Variants in TDRD15 observed in about 807,000 individuals in gnomAD.
The protein encoded by TDRD15 is tudor domain-containing protein 15.
For synonymous variants in TDRD15, 503 were observed against 314.5 expected, an observed-to-expected ratio of 1.60 and a Z score of -6.34; for missense variants, 1,416 against 904.7, an observed-to-expected ratio of 1.57 and a Z score of -7.25.
chr2:21,131,252 A>T (rs548771998), intron 2 of TDRD15, among the ~76,000 whole-genome samples: 1 of 152,272 alleles, frequency 6.6e-6, no homozygotes, highest in Non-Finnish European at 1.5e-5. Context: ...TTGTTTGGGG[A>T]TGTTAGGTAA....
Position 21,140,397 on chromosome 2 carries a change from C to T in TDRD15, c.2930C>T (p.Pro977Leu). Residue 977 changes from proline to leucine, a missense_variant, in exon 4 of 4, where the codon CCC (proline) becomes CTC (leucine). By Grantham distance (98) the Pro-to-Leu change is moderately conservative. Coordinates refer to ENST00000405799, the MANE Select transcript of TDRD15 (RefSeq NM_001306137.2). ...GTATATATATCTCACATATATAGTC[C>T]CCAAAAGTTTTATTGCCAGCTTGGC... ...EEVYISHIYSPQKFYCQLGRN... is the reference protein window; with the variant it reads ...EEVYISHIYSLQKFYCQLGRN... The T allele has an allele frequency of 1.4e-6, 1 of 693,464 alleles. No homozygotes were observed. The highest frequency in any genetic ancestry group is 2.6e-6 in the Non-Finnish European group (1 of 377,860). The allele number at this position is 693,464 out of a possible 1,614,324, so 43.0% of individuals were successfully genotyped here.
chr2:21,125,946 A>G (rs891285931), intron 1 of TDRD15, among the ~76,000 whole-genome samples: 2 of 152,094 alleles, frequency 1.3e-5, no homozygotes, highest in Non-Finnish European at 2.9e-5. Flanking sequence ...AAATATTAAA[A>G]TAAGTCCTCT....
In TDRD15 at chr2:21,140,997, A is replaced by T. The variant is rs539640670; in HGVS notation, c.3530A>T (p.Tyr1177Phe). The change falls in exon 4 of 4, where the codon TAT becomes TTT. Residue 1177 changes from tyrosine (Y) to phenylalanine (F), a missense_variant. Tyr to Phe is a conservative substitution (Grantham distance 22). Coordinates refer to ENST00000405799, the MANE Select transcript of TDRD15 (RefSeq NM_001306137.2). ...TSLKGKTGNN[Y>F]RHNVINKPSP... ...TTGAAAGGCAAAACAGGAAACAACT[A>T]TCGCCATAATGTGATAAATAAACCT... 3.4e-5 allele frequency: 24 copies of T among 713,938 alleles called. No homozygotes were observed. The highest frequency in any genetic ancestry group is 3.5e-5 in the African/African-American group (2 of 57,006). The allele number at this position is 713,938 out of a possible 1,614,324, so 44.2% of individuals were successfully genotyped here.
chr2:21,124,771 T>G (rs1453709433), intron 1 of TDRD15, among the ~76,000 whole-genome samples: 3 of 123,858 alleles, frequency 2.4e-5, no homozygotes, highest in Non-Finnish European at 3.3e-5. Flanking sequence ...AGGGTGATCC[T>G]AATGCCAGGG....
intron 2 of TDRD15, among the ~76,000 whole-genome samples, chr2:21,130,360 G>C (rs1248439921): frequency 6.6e-6 from 1 of 152,194 alleles, no homozygotes; most frequent in Non-Finnish European, 1.5e-5. Context: ...GGCAACAAAA[G>C]AGATGGTCCC....
At chr2:21,145,869 C>T (rs1038124535), downstream of TDRD15, among the ~76,000 whole-genome samples, 15 of 151,860 alleles carry the variant, frequency 9.9e-5, no homozygotes, top group African/African-American at 3.4e-4. Flanking sequence ...AAGGGTCTTA[C>T]GTACTAAAAA....
chr2:21,141,662 T>G lies in TDRD15; in HGVS notation c.4195T>G (p.Leu1399Val). The change falls in exon 4 of 4, where the codon TTA (leucine) becomes GTA (valine). Residue 1399 changes from leucine to valine, a missense_variant. By Grantham distance (32) the Leu-to-Val change is conservative. Coordinates refer to ENST00000405799, the MANE Select transcript of TDRD15 (RefSeq NM_001306137.2). Reference protein sequence around the residue: ...SKIYELQREFLTVPQLGIHAF... With the variant: ...SKIYELQREFVTVPQLGIHAF... ...AATTTACGAACTTCAGAGGGAATTTTTAACTGTTCCTCAGCTAGGAATCCA... is the reference window on the plus strand; with the variant it reads ...AATTTACGAACTTCAGAGGGAATTTGTAACTGTTCCTCAGCTAGGAATCCA... 1 of 715,220 alleles carries G rather than the reference T, an allele frequency of 1.4e-6. No homozygotes were observed. The highest frequency in any genetic ancestry group is 2.0e-5 in the Admixed American group (1 of 49,868). 44.3% of individuals were successfully genotyped at this position (715,220 alleles called of 1,614,324 possible).
intron 3 of TDRD15, among the ~76,000 whole-genome samples, chr2:21,135,376 C>T (rs903640358): frequency 1.3e-5 from 2 of 151,594 alleles, no homozygotes; most frequent in Admixed American, 1.3e-4. Flanking sequence ...TGACTGACAT[C>T]CACAGGATAG....
rs968355341 is a variant in TDRD15, at chr2:21,142,299, A to T, written c.4832A>T (p.Asp1611Val). 2 of 689,468 alleles carry T rather than the reference A, an allele frequency of 2.9e-6. No individual in the cohort carries two copies. Among genetic ancestry groups the T allele is most frequent in the Middle Eastern group, 2.4e-4 (1 of 4,174 alleles). 42.7% of individuals were successfully genotyped at this position (689,468 alleles called of 1,614,324 possible). The change falls in exon 4 of 4, where the codon GAT becomes GTT. Residue 1611 changes from aspartate (D) to valine (V), a missense_variant. Coordinates refer to ENST00000405799, the MANE Select transcript of TDRD15 (RefSeq NM_001306137.2). The stretch of plus-strand genomic sequence containing the variant: ...GATAAAGTACTTGTTTTTTTAGTAG[A>T]TTGTGGTATCTATGAAATAGTACCT... ...VDDKVLVFLV[D>V]CGIYEIVPVC...
At chr2:21,145,428 G>GT (rs1030869409), downstream of TDRD15, among the ~76,000 whole-genome samples, 3 of 151,266 alleles carry the variant, frequency 2.0e-5, no homozygotes, top group South Asian at 2.1e-4. Context: ...CTTCTTTTAT[G>GT]TTTTTTTTGG....
chr2:21,134,895 G>C (rs1665778901), intron 3 of TDRD15, 48 bp downstream of exon 3: 1 of 150,802 alleles, frequency 6.6e-6, no homozygotes. Flanking sequence ...TATCATATTT[G>C]AATAAGGGTT....
At position 21,140,767 on chromosome 2, in the gene TDRD15, C is replaced by A. The variant is rs556830427; in HGVS notation, c.3300C>A (p.Asp1100Glu). Residue 1100 changes from aspartate (D) to glutamate (E), a missense_variant, in exon 4 of 4, where the codon GAC becomes GAA. Asp to Glu is a conservative substitution (Grantham distance 45). Transcript: ENST00000405799. ...IPAEISSWFK[D>E]NFLGRSLKAI... ...CAGAAATCAGTAGTTGGTTTAAAGA[C>A]AATTTCTTGGGAAGATCATTAAAGG... The A allele has an allele frequency of 2.8e-5, 20 of 714,788 alleles. No homozygotes were observed. Among genetic ancestry groups the A allele is most frequent in the Admixed American group, 8.0e-5 (4 of 49,804 alleles). 44.3% of individuals were successfully genotyped at this position (714,788 alleles called of 1,614,324 possible).
At chr2:21,128,484 G>T (rs1476261724) in intron 2 of TDRD15, among the ~76,000 whole-genome samples, 1 of 151,772 alleles carries the variant, frequency 6.6e-6, no homozygotes, top group Non-Finnish European at 1.5e-5. Flanking sequence ...CACCACGCCT[G>T]GCTAATTTTT....
In TDRD15 at chr2:21,139,705, T is replaced by G. The variant is rs1572300593; in HGVS notation, c.2238T>G (p.Pro746=). 1.4e-6 allele frequency: 1 copy of G among 715,068 alleles called. No homozygotes were observed. Among genetic ancestry groups the G allele is most frequent in the South Asian group, 1.5e-5 (1 of 67,344 alleles). The allele number at this position is 715,068 out of a possible 1,614,324, so 44.3% of individuals were successfully genotyped here. The stretch of plus-strand genomic sequence containing the variant: ...CTGTGGGACCTGAGTCATCCTGGCC[T>G]TATAAAGAATATATTTTTAGACCAG... ...TLSVGPESSW[P]YKEYIFRPGT... Residue 746 remains proline (P), a synonymous_variant, in exon 4 of 4, where the codon CCT becomes CCG. Transcript: ENST00000405799.
intron 1 of TDRD15, 137 bp from the exon 2 acceptor site, chr2:21,127,464 A>G (rs1665620872): frequency 6.6e-6 from 1 of 152,136 alleles, no homozygotes; most frequent in Admixed American, 6.5e-5. Flanking sequence ...TTTATATTCC[A>G]TTTAGAATAA....
intron 1 of TDRD15, among the ~76,000 whole-genome samples, chr2:21,125,472 A>C (rs1459087664): frequency 2.0e-5 from 3 of 149,722 alleles, no homozygotes; most frequent in African/African-American, 7.4e-5. Context: ...TCCTAATGCC[A>C]AGTTGTGTGT....
chr2:21,130,521 A>G (rs1665696795), intron 2 of TDRD15, among the ~76,000 whole-genome samples: 1 of 152,216 alleles, frequency 6.6e-6, no homozygotes, highest in East Asian at 1.9e-4. Context: ...TAAAGCTGAA[A>G]AATCTGAAGT....
downstream of TDRD15, among the ~76,000 whole-genome samples, chr2:21,145,864 T>C (rs1466110487): frequency 6.6e-6 from 1 of 151,930 alleles, no homozygotes; most frequent in Non-Finnish European, 1.5e-5. Context: ...TTTGAAAGGG[T>C]CTTACGTACT....
rs145505794 is a variant in TDRD15, at chr2:21,138,039, G to A, written c.572G>A (p.Arg191His). ...LGRLVDGDSF[R>H]LIVEMLEEFP... ...AGACTTGTTGATGGAGATTCATTTC[G>A]TCTTATTGTGGAAATGTTAGAAGAA... is the stretch of plus-strand genomic sequence containing the variant. The change falls in exon 4 of 4, where the codon CGT (arginine) becomes CAT (histidine). Residue 191 changes from arginine (R) to histidine (H), a missense_variant. Physicochemically the swap from Arg to His is conservative, Grantham distance 29 (BLOSUM62 0). Transcript: ENST00000405799. 64 of 716,072 alleles carry A rather than the reference G, an allele frequency of 8.9e-5. No individual in the cohort carries two copies. The highest frequency in any genetic ancestry group is 1.4e-4 in the Non-Finnish European group (53 of 384,394). 44.4% of individuals were successfully genotyped at this position (716,072 alleles called of 1,614,324 possible).
Sources: gnomAD v4.1 joint callset for allele counts (sites outside exome capture counted in the v4.1 genomes callset) on GRCh38, gnomAD v4.1.1 for gene constraint, MANE v1.5 for transcripts, NCBI Gene and HGNC (gene_info 2026-07-23, HGNC 2026-07-21) for gene names.